IMMP2L: variants seen among roughly 807,000 people sequenced by gnomAD.
IMMP2L encodes the protein mitochondrial inner membrane protease subunit 2.
Under a neutral mutation model 19.3 loss-of-function variants are expected in IMMP2L, and 18 were observed. The observed-to-expected ratio is 0.93, with a 90% CI of 0.64 to 1.38. The LOEUF (loss-of-function observed/expected upper bound fraction) is 1.38. IMMP2L is among the 40% of genes most tolerant of loss of function. The probability of loss-of-function intolerance (pLI) is 0.00; values close to 1 mark genes in which losing one functional copy is unlikely to be tolerated. For synonymous variants in IMMP2L, 76 were observed against 73.0 expected (o/e 1.04, Z -0.21); for missense variants, 233 against 218.2 (o/e 1.07, Z -0.43).
rs865792763 is a variant in IMMP2L at position 111,238,899 on chromosome 7, G to C, written c.239+248339C>G. Among the ~76,000 whole-genome samples, 3 of 151,938 alleles carry C rather than the reference G, an allele frequency of 2.0e-5. No individual in the cohort carries two copies. In the Middle Eastern group the frequency reaches 0.01, roughly 517 times the overall value. On this transcript the variant is annotated intron_variant, in intron 3 of 5. Transcript: ENST00000405709. The stretch of plus-strand genomic sequence containing the variant: ...TGAACCCTAATTTTCACAACTGTAA[G>C]ACAGGCATAACAACAACTGCCTTTC...
At chr7:110,960,315 A>G (rs571145916) in intron 4 of IMMP2L, among the ~76,000 whole-genome samples, 188 of 151,818 alleles carry the variant, frequency 1.2e-3, no homozygotes, top group Non-Finnish European at 2.5e-3. Context: ...ACATTTTCAT[A>G]CTCCCCCAAC....
intron 1 of IMMP2L, among the ~76,000 whole-genome samples, chr7:111,561,363 TTG>T (rs550829546): frequency 1.2e-3 from 178 of 152,304 alleles, no homozygotes; most frequent in Non-Finnish European, 1.7e-3. Context: ...ACTTCAACAC[TTG>T]TAATCTTGTT....
intron 3 of IMMP2L, among the ~76,000 whole-genome samples, chr7:111,168,089 G>A (rs972159196): frequency 1.3e-5 from 2 of 151,872 alleles, no homozygotes; most frequent in African/African-American, 4.8e-5. Flanking sequence ...AAGGTCTATA[G>A]AACACTGGAA....
At chr7:110,818,029 T>A (rs370144379) in intron 5 of IMMP2L, among the ~76,000 whole-genome samples, 2 of 151,926 alleles carry the variant, frequency 1.3e-5, no homozygotes, top group Non-Finnish European at 2.9e-5. Flanking sequence ...AACCTAGGCA[T>A]TACCATTCAG....
intron 2 of IMMP2L, among the ~76,000 whole-genome samples, chr7:111,504,104 A>G (rs1284271478): frequency 6.6e-6 from 1 of 152,210 alleles, no homozygotes; most frequent in Non-Finnish European, 1.5e-5. Context: ...CCTTAAGCTG[A>G]TAAGCAACTT....
At position 111,302,490 on chromosome 7, in the gene IMMP2L, C is replaced by T. The variant is rs904545011; in HGVS notation, c.239+184748G>A. Among the ~76,000 whole-genome samples, 34 of 152,092 alleles carry T rather than the reference C, an allele frequency of 2.2e-4. No individual in the cohort carries two copies. The South Asian group carries it at 2.5e-3, about 11-fold the overall frequency. The stretch of plus-strand genomic sequence containing the variant: ...TCTATACATAGCACTTGTCTAAAAG[C>T]TCTTTCGATAACTCTGTGTGTGTGT... On this transcript the variant is annotated intron_variant, in intron 3 of 5. Coordinates refer to ENST00000405709, the MANE Select transcript of IMMP2L (RefSeq NM_032549.4).
intron 3 of IMMP2L, among the ~76,000 whole-genome samples, chr7:111,222,327 A>C (rs553320001): frequency 6.6e-6 from 1 of 152,172 alleles, no homozygotes; most frequent in African/African-American, 2.4e-5. Flanking sequence ...CAAAACAAAA[A>C]AACTCTGCCA....
intron 3 of IMMP2L, among the ~76,000 whole-genome samples, chr7:111,310,696 C>T (rs1423517885): frequency 6.6e-6 from 1 of 152,034 alleles, no homozygotes; most frequent in Non-Finnish European, 1.5e-5. Flanking sequence ...TTTACATCGC[C>T]CTGACAGTAA....
At chr7:111,363,388 A>G (rs1302490210) in intron 3 of IMMP2L, among the ~76,000 whole-genome samples, 2 of 152,092 alleles carry the variant, frequency 1.3e-5, no homozygotes, top group Non-Finnish European at 2.9e-5. Context: ...CACGGACCTA[A>G]GAAGCAGAGA....
chr7:111,327,846 A>G (rs901124139), intron 3 of IMMP2L, among the ~76,000 whole-genome samples: 2 of 151,580 alleles, frequency 1.3e-5, no homozygotes, highest in African/African-American at 4.8e-5. Context: ...GAAATTCTTA[A>G]TTCTCCAGAT....
chr7:111,052,385 A>G (rs1455962007), intron 3 of IMMP2L, among the ~76,000 whole-genome samples: 1 of 152,118 alleles, frequency 6.6e-6, no homozygotes, highest in Non-Finnish European at 1.5e-5. Flanking sequence ...CACTTCCACC[A>G]TCCCCTTTTA....
intron 3 of IMMP2L, among the ~76,000 whole-genome samples, chr7:111,041,712 G>A (rs1339659221): frequency 1.3e-5 from 2 of 151,692 alleles, no homozygotes; most frequent in East Asian, 3.9e-4. Flanking sequence ...AAAATTACTA[G>A]GTGCACATGA....
At chr7:111,358,262 C>T (rs755385530) in intron 3 of IMMP2L, among the ~76,000 whole-genome samples, 16 of 149,208 alleles carry the variant, frequency 1.1e-4, no homozygotes, top group Non-Finnish European at 2.1e-4. Context: ...CTATTCTCAG[C>T]TCCTCAATGA....
chr7:111,166,106 A>G (rs755640353), intron 3 of IMMP2L, among the ~76,000 whole-genome samples: 3 of 152,068 alleles, frequency 2.0e-5, no homozygotes, highest in Non-Finnish European at 4.4e-5. Flanking sequence ...TTTCATTTAA[A>G]CCCCATGAGT....
chr7:110,667,902 C>T (rs192104863), intron 5 of IMMP2L, among the ~76,000 whole-genome samples: 1 of 152,280 alleles, frequency 6.6e-6, no homozygotes, highest in East Asian at 1.9e-4. Flanking sequence ...CAATAGGTAA[C>T]TAATTTTATT....
Position 110,902,479 on chromosome 7 carries a change from A to AATATATATATATATATATAT in IMMP2L, c.306-15804_306-15785dup, listed in dbSNP as rs67367468. 9.4e-4 allele frequency among the ~76,000 whole-genome samples: 132 copies of AATATATATATATATATATAT among 140,508 alleles called. 1 individual carries two copies. The highest frequency in any genetic ancestry group is 3.4e-3 in the African/African-American group (125 of 36,974). The allele number at this position is 140,508 out of a possible 152,430, so 92.2% of individuals were successfully genotyped here. On this transcript the variant is annotated intron_variant, in intron 4 of 5. Coordinates refer to ENST00000405709, the MANE Select transcript of IMMP2L (RefSeq NM_032549.4). Reference sequence around the variant, plus strand: ...AATATAAATATGTCATGAATGATAAAATATATATATATATATATATATAGT... The same window carrying AATATATATATATATATATAT: ...AATATAAATATGTCATGAATGATAAAATATATATATATATATATATATATATATATATATATATATATAGT...
chr7:110,667,474 T>C (rs1342055115), intron 5 of IMMP2L, among the ~76,000 whole-genome samples: 1 of 152,156 alleles, frequency 6.6e-6, no homozygotes, highest in Non-Finnish European at 1.5e-5. Context: ...CCAGTTGACC[T>C]TAAGATAACA....
At chr7:110,828,836 C>T (rs972492202) in intron 5 of IMMP2L, among the ~76,000 whole-genome samples, 1 of 152,126 alleles carries the variant, frequency 6.6e-6, no homozygotes, top group Non-Finnish European at 1.5e-5. Context: ...GAGCATAATA[C>T]TATCTTTCAA....
chr7:111,300,440 A>C (rs948532747), intron 3 of IMMP2L, among the ~76,000 whole-genome samples: 2 of 152,152 alleles, frequency 1.3e-5, no homozygotes, highest in Non-Finnish European at 2.9e-5. Context: ...TGTAAGAAAT[A>C]ATACATAGAG....
Sources: gnomAD v4.1 joint callset for allele counts (sites outside exome capture counted in the v4.1 genomes callset) on GRCh38, gnomAD v4.1.1 for gene constraint, MANE v1.5 for transcripts, NCBI Gene and HGNC (gene_info 2026-07-23, HGNC 2026-07-21) for gene names.